The following AKAP8 variants were observed in gnomAD, a reference collection of about 807,000 sequenced individuals.
The protein encoded by AKAP8 is A-kinase anchor protein 8.
AKAP8 carries 24 observed loss-of-function variants against 67.5 expected under a neutral mutation model. The ratio of observed to expected loss-of-function variants is 0.36; its 90% CI spans 0.26 to 0.50. AKAP8 has a LOEUF of 0.50. AKAP8 is among the 20% of genes least tolerant of loss of function. The pLI is 0.97. For synonymous variants in AKAP8, 400 were observed against 371.1 expected, an observed-to-expected ratio of 1.08 and a Z score of -0.90; for missense variants, 971 against 955.9, an observed-to-expected ratio of 1.02 and a Z score of -0.21.
chr19:15,357,468 TGTG>T (rs906399493), intron 13 of AKAP8, among the ~76,000 whole-genome samples: 2 of 126,626 alleles, frequency 1.6e-5, no homozygotes, highest in African/African-American at 6.0e-5. Flanking sequence ...ATTAGCCAGG[TGTG>T]GTGGTGTACT....
chr19:15,367,144 C>A (rs1056477547), intron 9 of AKAP8, among the ~76,000 whole-genome samples: 1 of 152,168 alleles, frequency 6.6e-6, no homozygotes, highest in African/African-American at 2.4e-5. Context: ...CGGCCTCAAG[C>A]GATCCGCCAG....
rs764703826 is a variant in AKAP8 at position 15,354,662 on chromosome 19, G to A, written c.*253C>T. On this transcript the variant is annotated 3_prime_UTR_variant, in exon 14 of 14. Coordinates refer to ENST00000269701, the MANE Select transcript of AKAP8 (RefSeq NM_005858.4). Reference sequence around the variant, plus strand: ...TCACCCAACCTTTATTATTCCAAGTGCACTACTGTCAAGAGACATGTTACA... The same window carrying A: ...TCACCCAACCTTTATTATTCCAAGTACACTACTGTCAAGAGACATGTTACA... 37 of 528,766 alleles carry A rather than the reference G, an allele frequency of 7.0e-5. No individual in the cohort carries two copies. Among genetic ancestry groups the A allele is most frequent in the Non-Finnish European group, 1.1e-4 (34 of 297,184 alleles). The allele number at this position is 528,766 out of a possible 1,614,324, so 32.8% of individuals were successfully genotyped here.
In AKAP8 at chr19:15,355,285, G is replaced by C; in HGVS notation, c.1709C>G (p.Pro570Arg). 6.2e-7 allele frequency: 1 copy of C among 1,613,504 alleles called. No individual in the cohort carries two copies. The highest frequency in any genetic ancestry group is 8.5e-7 in the Non-Finnish European group (1 of 1,180,038). ...NLGGEDKKET[P>R]EEVAADVLAE... is the part of the protein sequence containing the mutation. ...TAAGACGTCCGCGGCCACCTCCTCA[G>C]GTGTCTCTTTCTTATCCTCACCTCC... is the stretch of plus-strand genomic sequence containing the variant. The change falls in exon 14 of 14, where the codon CCT becomes CGT. Residue 570 changes from proline (P) to arginine (R), a missense_variant. Transcript: ENST00000269701.
In AKAP8 at chr19:15,368,296, C is replaced by T. The variant is rs1237995595; in HGVS notation, c.1099G>A (p.Val367Met). ...CTTTGCTTTTCCCTTCTCTTCTTCACATCCTCGTCCTCGTCCTCCTTCTCT... is the reference window on the plus strand; with the variant it reads ...CTTTGCTTTTCCCTTCTCTTCTTCATATCCTCGTCCTCGTCCTCCTTCTCT... ...RGEKEDEDED[V>M]KKRREKQRRR... Residue 367 changes from valine to methionine, a missense_variant, in exon 9 of 14, where the codon GTG becomes ATG. Physicochemically the swap from Val to Met is conservative, Grantham distance 21. Transcript: ENST00000269701. The T allele has an allele frequency of 1.4e-5, 22 of 1,613,656 alleles. No homozygotes were observed. The highest frequency in any genetic ancestry group is 1.9e-5 in the Non-Finnish European group (22 of 1,179,990).
At chr19:15,363,388 C>T (rs1424543044) in intron 9 of AKAP8, among the ~76,000 whole-genome samples, 1 of 148,482 alleles carries the variant, frequency 6.7e-6, no homozygotes, top group African/African-American at 2.5e-5. Context: ...GCCAGCCGCC[C>T]CGTCCGGGAA....
At chr19:15,366,756 T>C (rs920522902) in intron 9 of AKAP8, among the ~76,000 whole-genome samples, 2 of 149,694 alleles carry the variant, frequency 1.3e-5, no homozygotes, top group African/African-American at 4.9e-5. Flanking sequence ...AATACAGGCA[T>C]GCGCCACCAT....
Position 15,353,930 on chromosome 19 carries a change from A to T in AKAP8, c.*985T>A, listed in dbSNP as rs200559663. ...TAAAATGAAACATATATTTCATTTT[A>T]TATATATATATATATATTACAGATA... On this transcript the variant is annotated 3_prime_UTR_variant, in exon 14 of 14. Coordinates refer to ENST00000269701, the MANE Select transcript of AKAP8 (RefSeq NM_005858.4). The T allele has an allele frequency of 4.2e-3, 33 of 7,870 alleles. No homozygotes were observed. The highest frequency in any genetic ancestry group is 4.3e-3 in the Non-Finnish European group (17 of 3,986). The allele number at this position is 7,870 out of a possible 1,614,324, so 0.5% of individuals were successfully genotyped here.
intron 2 of AKAP8, 84 bp downstream of exon 2, chr19:15,376,892 C>T (rs756746217): frequency 6.6e-7 from 1 of 1,525,450 alleles, no homozygotes; most frequent in South Asian, 1.2e-5. Context: ...TACTACTCTC[C>T]CTTGACCCAA....
At chr19:15,356,846 T>C (rs769871577) in intron 13 of AKAP8, among the ~76,000 whole-genome samples, 1 of 152,106 alleles carries the variant, frequency 6.6e-6, no homozygotes, top group African/African-American at 2.4e-5. Flanking sequence ...TTAGCCAGCA[T>C]GTGGCCGGGT....
chr19:15,371,560 C>T (rs1386426827), intron 7 of AKAP8, among the ~76,000 whole-genome samples: 1 of 151,846 alleles, frequency 6.6e-6, no homozygotes, highest in East Asian at 1.9e-4. Context: ...GCAACGTCAG[C>T]TCACTGCAAC....
chr19:15,375,048 A>C (rs1967228453), intron 2 of AKAP8, among the ~76,000 whole-genome samples: 1 of 152,188 alleles, frequency 6.6e-6, no homozygotes, highest in South Asian at 2.1e-4. Flanking sequence ...TCCTCAACTC[A>C]AGCGAAAAAG....
At chr19:15,362,876 C>T (rs1177223546) in intron 9 of AKAP8, among the ~76,000 whole-genome samples, 2 of 146,272 alleles carry the variant, frequency 1.4e-5, no homozygotes, top group Non-Finnish European at 3.0e-5. Flanking sequence ...AAGTGAGGAG[C>T]GTCTCTGCCC....
Position 15,354,513 on chromosome 19 carries a change from C to G in AKAP8, c.*402G>C, listed in dbSNP as rs2048264223. On this transcript the variant is annotated 3_prime_UTR_variant, in exon 14 of 14. Transcript: ENST00000269701. ...ATACAAAAAAAAATCCTCTATAGAG[C>G]AAGATATATTCCTAGTATTCAGCTG... 5.1e-6 allele frequency: 1 copy of G among 194,316 alleles called. No individual in the cohort carries two copies. The highest frequency in any genetic ancestry group is 1.1e-5 in the Non-Finnish European group (1 of 93,400). 12.0% of individuals were successfully genotyped at this position (194,316 alleles called of 1,614,324 possible).
intron 12 of AKAP8, 133 bp downstream of exon 12, chr19:15,360,715 C>G (rs1599557617): frequency 8.7e-7 from 1 of 1,147,530 alleles, no homozygotes; most frequent in Non-Finnish European, 1.2e-6. Flanking sequence ...ATCTTACGAC[C>G]CATCGATGGA....
At chr19:15,374,571 C>G (rs193271321) in intron 3 of AKAP8, 32 bp downstream of exon 3, 4 of 1,607,958 alleles carry the variant, frequency 2.5e-6, no homozygotes, top group Non-Finnish European at 3.4e-6. Context: ...CCCACTTGCC[C>G]GCCCACAGAC....
At position 15,363,087 on chromosome 19, in the gene AKAP8, G is replaced by A. The variant is rs1006757798; in HGVS notation, c.1161-836C>T. On this transcript the variant is annotated intron_variant, in intron 9 of 13. Coordinates refer to ENST00000269701, the MANE Select transcript of AKAP8 (RefSeq NM_005858.4). Reference sequence around the variant, plus strand: ...TGAGGAGACCCTCTGCCTGGCAACCGCCCCGTCTGAGAAGTGAGGAGCCCC... The same window carrying A: ...TGAGGAGACCCTCTGCCTGGCAACCACCCCGTCTGAGAAGTGAGGAGCCCC... Among the ~76,000 whole-genome samples the A allele has an allele frequency of 1.7e-4, 25 of 148,296 alleles. No homozygotes were observed. In the South Asian group the frequency reaches 4.3e-3, roughly 26 times the overall value.
At chr19:15,362,321 A>C in intron 9 of AKAP8, 70 bp from the exon 10 acceptor site, 2 of 1,539,086 alleles carry the variant, frequency 1.3e-6, no homozygotes, top group Non-Finnish European at 1.8e-6. Context: ...GCATCAGCTC[A>C]CCTCTGAGGA....
chr19:15,372,940 C>T lies in AKAP8; in HGVS notation c.772G>A (p.Val258Met), dbSNP rs144582281. ...CCGCCCGCCCCCTGCATGCCCATCACGCCGTAGTCGGGAGCCATGGACTGG... is the reference window on the plus strand; with the variant it reads ...CCGCCCGCCCCCTGCATGCCCATCATGCCGTAGTCGGGAGCCATGGACTGG... ...FSQSMAPDYG[V>M]MGMQGAGGYD... is the part of the protein sequence containing the mutation. The change falls in exon 5 of 14, where the codon GTG (valine) becomes ATG (methionine). Residue 258 changes from valine (V) to methionine (M), a missense_variant. Val to Met is a conservative substitution (Grantham distance 21). Transcript: ENST00000269701. The T allele has an allele frequency of 4.4e-3, 6,819 of 1,538,442 alleles. 23 individuals are homozygous for T. The highest frequency in any genetic ancestry group is 5.9e-3 in the Admixed American group (285 of 48,470).
intron 9 of AKAP8, among the ~76,000 whole-genome samples, chr19:15,365,256 C>A (rs575777413): frequency 2.0e-5 from 3 of 152,198 alleles, no homozygotes; most frequent in African/African-American, 7.2e-5. Context: ...CAAAACACCT[C>A]GCACAATTCA....
Sources: gnomAD v4.1 joint callset for allele counts (sites outside exome capture counted in the v4.1 genomes callset) on GRCh38, gnomAD v4.1.1 for gene constraint, MANE v1.5 for transcripts, NCBI Gene and HGNC (gene_info 2026-07-23, HGNC 2026-07-21) for gene names.